The following KIAA1217 variants were observed in gnomAD, a reference collection of about 807,000 sequenced individuals.
The protein encoded by KIAA1217 is KIAA1217.
In KIAA1217, 88 loss-of-function variants were observed where a neutral mutation model predicts 163.9. The observed-to-expected ratio is 0.54, with a 90% CI of 0.45 to 0.64. The LOEUF is 0.64. Ranked by LOEUF, KIAA1217 falls within the 30% of genes least tolerant of loss-of-function variation. The probability of loss-of-function intolerance (pLI) is 0.00; values close to 1 mark genes in which losing one functional copy is unlikely to be tolerated. For synonymous variants in KIAA1217, 903 were observed against 923.1 expected (o/e 0.98, Z 0.39); for missense variants, 2,372 against 2,475.0 (o/e 0.96, Z 0.88).
At chr10:24,008,990 G>C (rs1368258303) in intron 2 of KIAA1217, among the ~76,000 whole-genome samples, 3 of 152,196 alleles carry the variant, frequency 2.0e-5, no homozygotes, top group African/African-American at 7.2e-5. Context: ...AGAGATCAAA[G>C]AGTCAACCTT....
At chr10:23,739,261 G>A (rs1267597367) in intron 1 of KIAA1217, among the ~76,000 whole-genome samples, 1 of 151,662 alleles carries the variant, frequency 6.6e-6, no homozygotes, top group East Asian at 1.9e-4. Flanking sequence ...GGCAGGTGAT[G>A]AGAAATGACT....
intron 2 of KIAA1217, among the ~76,000 whole-genome samples, chr10:24,130,162 GTTA>G (rs750021273): frequency 3.3e-5 from 5 of 151,946 alleles, no homozygotes; most frequent in African/African-American, 4.8e-5. Context: ...GGGCTATTGG[GTTA>G]TTATTATTAT....
At chr10:24,333,780 C>T in intron 2 of KIAA1217, among the ~76,000 whole-genome samples, 1 of 152,144 alleles carries the variant, frequency 6.6e-6, no homozygotes, top group Non-Finnish European at 1.5e-5. Flanking sequence ...TTGAAAAAGC[C>T]ATAAAGATGG....
At chr10:24,404,526 C>T (rs1324979138) in intron 3 of KIAA1217, among the ~76,000 whole-genome samples, 2 of 140,940 alleles carry the variant, frequency 1.4e-5, no homozygotes, top group Non-Finnish European at 3.0e-5. Context: ...GAGATCACAC[C>T]ACTGCACTCC....
At position 24,546,012 on chromosome 10, in the gene KIAA1217, C is replaced by G. The variant is rs139801243; in HGVS notation, c.5520C>G (p.Leu1840=). ...AACCATCGATTGCTTCTAACCCTCT[C>G]AGCCCCCAAACAGGACCACCTGCTC... ...ATKPSIASNP[L]SPQTGPPAHS... is the part of the protein sequence containing the mutation. The change falls in exon 21 of 21, where the codon CTC becomes CTG. Residue 1840 remains leucine (L), a synonymous_variant. Coordinates refer to ENST00000376454, the MANE Select transcript of KIAA1217 (RefSeq NM_019590.5). 2 of 1,614,206 alleles carry G rather than the reference C, an allele frequency of 1.2e-6. No individual in the cohort carries two copies. Among genetic ancestry groups the G allele is most frequent in the African/African-American group, 1.3e-5 (1 of 75,062 alleles).
chr10:23,721,659 T>C (rs1837878979), intron 1 of KIAA1217, among the ~76,000 whole-genome samples: 1 of 152,054 alleles, frequency 6.6e-6, no homozygotes, highest in African/African-American at 2.4e-5. Context: ...GATAAATAAA[T>C]TGTTAAAAAA....
chr10:24,457,118 C>G (rs1267140856), intron 5 of KIAA1217, among the ~76,000 whole-genome samples: 1 of 152,108 alleles, frequency 6.6e-6, no homozygotes, highest in Non-Finnish European at 1.5e-5. Context: ...TTTAAGAAAT[C>G]CCCTTTATTT....
intron 8 of KIAA1217, among the ~76,000 whole-genome samples, chr10:24,501,177 A>G (rs990531334): frequency 2.0e-5 from 3 of 152,184 alleles, no homozygotes; most frequent in Admixed American, 6.5e-5. Flanking sequence ...CTGTCTTCCT[A>G]TGGCACTTTC....
chr10:24,133,362 A>G (rs2063723123), intron 2 of KIAA1217, among the ~76,000 whole-genome samples: 1 of 152,086 alleles, frequency 6.6e-6, no homozygotes, highest in Non-Finnish European at 1.5e-5. Flanking sequence ...ATTTGAGGTC[A>G]AGAGTTCGAG....
At chr10:24,139,631 A>G (rs565714053) in intron 2 of KIAA1217, among the ~76,000 whole-genome samples, 1 of 152,304 alleles carries the variant, frequency 6.6e-6, no homozygotes, top group Non-Finnish European at 1.5e-5. Context: ...GTGATATTGA[A>G]CAACTTACAT....
At chr10:23,769,451 A>G (rs1285315607) in intron 1 of KIAA1217, among the ~76,000 whole-genome samples, 2 of 152,244 alleles carry the variant, frequency 1.3e-5, no homozygotes, top group Non-Finnish European at 2.9e-5. Flanking sequence ...CTCCTAAACC[A>G]TAATTTCTAA....
At chr10:24,299,328 A>G (rs1376247012) in intron 2 of KIAA1217, among the ~76,000 whole-genome samples, 1 of 152,234 alleles carries the variant, frequency 6.6e-6, no homozygotes, top group African/African-American at 2.4e-5. Context: ...GGCTTTGTCC[A>G]TACAGAACCT....
Position 24,196,172 on chromosome 10 carries a change from C to CACACACACACACACACAT in KIAA1217, c.-170-23454_-170-23453insACACACACACACACACAT, listed in dbSNP as rs1222471443. ...ACACACACACACACACACACACACA[C>CACACACACACACACACAT]TGCCCTCACAAGTTGGAGCATACTT... On this transcript the variant is annotated intron_variant, in intron 2 of 18. Coordinates refer to the KIAA1217 transcript ENST00000376462. Among the ~76,000 whole-genome samples, 311 of 146,638 alleles carry CACACACACACACACACAT rather than the reference C, an allele frequency of 2.1e-3. 3 individuals are homozygous for CACACACACACACACACAT. The highest frequency in any genetic ancestry group is 8.2e-3 in the East Asian group (40 of 4,862).
At chr10:23,986,065 C>G (rs1033832140) in intron 1 of KIAA1217, among the ~76,000 whole-genome samples, 1 of 152,110 alleles carries the variant, frequency 6.6e-6, no homozygotes, top group Non-Finnish European at 1.5e-5. Context: ...ATTGTTATCC[C>G]CAAAGCCTTC....
intron 1 of KIAA1217, among the ~76,000 whole-genome samples, chr10:23,964,791 G>A (rs1208224462): frequency 2.6e-5 from 4 of 151,718 alleles, no homozygotes; most frequent in Non-Finnish European, 4.4e-5. Context: ...TCTTGACTTC[G>A]TGATCTGCCT....
At chr10:24,279,325 A>G (rs546310190) in intron 2 of KIAA1217, among the ~76,000 whole-genome samples, 5 of 151,522 alleles carry the variant, frequency 3.3e-5, no homozygotes, top group African/African-American at 1.2e-4. Flanking sequence ...TGTCCTTTGC[A>G]TAACCCAAGT....
At chr10:24,301,210 C>A (rs1309695407) in intron 2 of KIAA1217, among the ~76,000 whole-genome samples, 4 of 152,112 alleles carry the variant, frequency 2.6e-5, no homozygotes, top group African/African-American at 9.7e-5. Context: ...TCTCACATTT[C>A]TCTTTAGTCT....
Position 24,262,617 on chromosome 10 carries a change from T to G in KIAA1217, c.354+42708T>G, listed in dbSNP as rs968635519. Among the ~76,000 whole-genome samples, 41 of 136,340 alleles carry G rather than the reference T, an allele frequency of 3.0e-4. 1 individual carries two copies. The highest frequency in any genetic ancestry group is 7.8e-5 in the Non-Finnish European group (5 of 64,286). The allele number at this position is 136,340 out of a possible 152,430, so 89.4% of individuals were successfully genotyped here. On this transcript the variant is annotated intron_variant, in intron 2 of 20. Transcript: ENST00000376454. ...ACTCCAGCCTGGGTGACAGCGAGAC[T>G]CCGTCTCAAAGAAAAAAAAAAAAAA...
At chr10:24,313,124 T>C (rs220372) in intron 2 of KIAA1217, among the ~76,000 whole-genome samples, 151,831 of 152,278 alleles carry the variant, frequency 1, 75,698 homozygotes, top group Middle Eastern at 1. Flanking sequence ...TCACTGATGG[T>C]ATCCTTCTCT....
Sources: gnomAD v4.1 joint callset for allele counts (sites outside exome capture counted in the v4.1 genomes callset) on GRCh38, gnomAD v4.1.1 for gene constraint, MANE v1.5 for transcripts, NCBI Gene and HGNC (gene_info 2026-07-23, HGNC 2026-07-21) for gene names.